The following SNED1 variants were observed in gnomAD, a reference collection of about 807,000 sequenced individuals.
The protein encoded by SNED1 is sushi, nidogen and EGF-like domain-containing protein 1.
SNED1 carries 81 observed loss-of-function variants against 166.7 expected under a neutral mutation model. That is an observed-to-expected ratio of 0.49 (90% confidence interval 0.41 to 0.58). The LOEUF is 0.58. Ranked by LOEUF, SNED1 falls within the 20% of genes least tolerant of loss-of-function variation. The pLI is 0.00. For synonymous variants in SNED1, 762 were observed against 822.0 expected (o/e 0.93, Z 1.25); for missense variants, 1,604 against 2,000.2 (o/e 0.80, Z 3.78).
At chr2:241,071,980 C>T in intron 26 of SNED1, 102 bp downstream of exon 26, 1 of 1,010,718 alleles carries the variant, frequency 9.9e-7, no homozygotes, top group Admixed American at 2.0e-5. Context: ...ACCCCCACCG[C>T]CAGCGCAGTC....
chr2:241,055,804 A>T (rs540275793), intron 16 of SNED1, among the ~76,000 whole-genome samples: 1 of 152,352 alleles, frequency 6.6e-6, no homozygotes, highest in East Asian at 1.9e-4. Context: ...TCATAGTCTC[A>T]CAAGGATTAG....
At chr2:241,034,494 G>T in intron 3 of SNED1, 74 bp from the exon 4 acceptor site, 3 of 1,362,138 alleles carry the variant, frequency 2.2e-6, no homozygotes, top group Non-Finnish European at 3.0e-6. Flanking sequence ...GGAACATGGT[G>T]GGGGCAGGGT....
intron 31 of SNED1, chr2:241,090,521 A>G: frequency 1.4e-6 from 2 of 1,452,540 alleles, no homozygotes; most frequent in African/African-American, 1.4e-5. Flanking sequence ...AGTATTATGT[A>G]CTCTACATAA....
intron 1 of SNED1, among the ~76,000 whole-genome samples, chr2:241,023,976 C>G (rs563189960): frequency 2.0e-5 from 3 of 147,020 alleles, no homozygotes; most frequent in African/African-American, 7.6e-5. Context: ...GCCTCCACCC[C>G]CCGGGTTCAG....
rs71404676 is a variant in SNED1 at position 241,026,009 on chromosome 2, C to CTTTTTTTTTTTTTTTTTTTTT, written c.214-4271_214-4251dup. Among the ~76,000 whole-genome samples, 11 of 73,594 alleles carry CTTTTTTTTTTTTTTTTTTTTT rather than the reference C, an allele frequency of 1.5e-4. 2 individuals carry two copies. Among genetic ancestry groups the CTTTTTTTTTTTTTTTTTTTTT allele is most frequent in the African/African-American group, 2.1e-4 (4 of 19,272 alleles). The allele number at this position is 73,594 out of a possible 152,430, so 48.3% of individuals were successfully genotyped here. A position where few individuals can be genotyped will look rare whatever the true frequency, so the allele number is the denominator to read the frequency against. ...TTGATGTGGCTTTGTTTTTCTTTTC[C>CTTTTTTTTTTTTTTTTTTTTT]TTTTTTTTTTTTTTTTTTTTTTTTG... On this transcript the variant is annotated intron_variant, in intron 1 of 31. Transcript: ENST00000310397.
rs369189469 is a variant in SNED1, at chr2:241,068,450, G to A, written c.3195-461G>A. Among the ~76,000 whole-genome samples the A allele has an allele frequency of 2.6e-5, 4 of 152,138 alleles. No homozygotes were observed. The highest frequency in any genetic ancestry group is 1.9e-4 in the East Asian group (1 of 5,166). On this transcript the variant is annotated intron_variant, in intron 22 of 31. Coordinates refer to ENST00000310397, the MANE Select transcript of SNED1 (RefSeq NM_001080437.3). This position sits in a 1 kb window ranked among gnomAD's most constrained non-coding sequence, Gnocchi z 5.3. ...AGAAAGCTTCCGAATCGTGCTCAGC[G>A]CAGGCAGGGGTGCAGGAAAAGATCG...
Position 241,052,390 on chromosome 2 carries a change from G to A in SNED1, c.2005G>A (p.Gly669Arg). 6.3e-7 allele frequency: 1 copy of A among 1,592,890 alleles called. No homozygotes were observed. Among genetic ancestry groups the A allele is most frequent in the Non-Finnish European group, 8.6e-7 (1 of 1,168,820 alleles). ...SPCFRSPCVN[G>R]GTCEDRDTDF... ...CTGCTTCCGGAGCCCGTGTGTGAAT[G>A]GGGGCACCTGCGAGGACCGGGACAC... The change falls in exon 15 of 32, where the codon GGG becomes AGG. Residue 669 changes from glycine to arginine, a missense_variant. Around this residue, in one of 2 missense-constraint regions of SNED1, gnomAD observed 1,237 missense variants for 1,620.8 expected, o/e 0.76. Coordinates refer to ENST00000310397, the MANE Select transcript of SNED1 (RefSeq NM_001080437.3).
intron 16 of SNED1, among the ~76,000 whole-genome samples, chr2:241,062,143 A>G (rs918394791): frequency 6.6e-6 from 1 of 152,220 alleles, no homozygotes; most frequent in Non-Finnish European, 1.5e-5. Flanking sequence ...TTTTAATTAC[A>G]TATTTTACTG....
In SNED1 at chr2:241,068,036, C is replaced by A; in HGVS notation, c.3194+89C>A. The A allele has an allele frequency of 8.2e-7, 1 of 1,214,158 alleles. No homozygotes were observed. The highest frequency in any genetic ancestry group is 1.1e-6 in the Non-Finnish European group (1 of 871,230). 75.2% of individuals were successfully genotyped at this position (1,214,158 alleles called of 1,614,324 possible). The stretch of plus-strand genomic sequence containing the variant: ...GGGCCCAGGTCTCGGGCACATTCTC[C>A]GTGTGTGGACTGTACCACCTGCCGC... On this transcript the variant is annotated intron_variant, in intron 22 of 31. Coordinates refer to ENST00000310397, the MANE Select transcript of SNED1 (RefSeq NM_001080437.3). This position sits in a 1 kb window ranked among gnomAD's most constrained non-coding sequence, Gnocchi z 5.3.
intron 6 of SNED1, among the ~76,000 whole-genome samples, chr2:241,038,222 A>G (rs2061431119): frequency 6.6e-6 from 1 of 152,242 alleles, no homozygotes; most frequent in Non-Finnish European, 1.5e-5. Flanking sequence ...TTACAAAAAC[A>G]TGTAATAGAT....
chr2:241,000,917 ACT>A (rs1463514258), intron 1 of SNED1, among the ~76,000 whole-genome samples: 1 of 151,998 alleles, frequency 6.6e-6, no homozygotes, highest in African/African-American at 2.4e-5. Context: ...AACTGTGCGG[ACT>A]CTGTGGTCAA....
chr2:241,001,479 T>A (rs2060076076), intron 1 of SNED1, among the ~76,000 whole-genome samples: 1 of 152,230 alleles, frequency 6.6e-6, no homozygotes, highest in African/African-American at 2.4e-5. Context: ...CGTAAGGCTC[T>A]GAAAAGTGTT....
In SNED1 at chr2:241,063,279, G is replaced by A. The variant is rs114381574; in HGVS notation, c.2372-308G>A. The A allele has an allele frequency of 5.4e-3, 2,663 of 494,314 alleles. 13 individuals are homozygous for A. Among genetic ancestry groups the A allele is most frequent in the Non-Finnish European group, 7.0e-3 (1,898 of 270,444 alleles). 30.6% of individuals were successfully genotyped at this position (494,314 alleles called of 1,614,324 possible). A position where few individuals can be genotyped will look rare whatever the true frequency, so the allele number is the denominator to read the frequency against. ...CGCTAGGGCTCTAAGCCTGAGAAAC[G>A]CAGGCTCCAGGGAGGGCAAGGCCCA... is the stretch of plus-strand genomic sequence containing the variant. On this transcript the variant is annotated intron_variant, in intron 17 of 31. Transcript: ENST00000310397.
chr2:241,081,847 C>A, intron 28 of SNED1, 54 bp downstream of exon 28: 3 of 1,324,352 alleles, frequency 2.3e-6, no homozygotes, highest in Non-Finnish European at 3.2e-6. Context: ...TGTGCCTCAG[C>A]CTAGGACTGC....
Position 240,998,961 on chromosome 2 carries a change from G to A in SNED1, c.124G>A (p.Val42Ile). The A allele has an allele frequency of 2.3e-6, 3 of 1,310,442 alleles. No individual in the cohort carries two copies. The highest frequency in any genetic ancestry group is 1.9e-5 in the South Asian group (1 of 51,708). 81.2% of individuals were successfully genotyped at this position (1,310,442 alleles called of 1,614,324 possible). A position where few individuals can be genotyped will look rare whatever the true frequency, so the allele number is the denominator to read the frequency against. ...GTTCGGCGCCGAGCGCGGCGACGCC[G>A]TCACCCCCAAGCAGGACGACGGCGG... ...YPFGAERGDA[V>I]TPKQDDGGSG... The change falls in exon 1 of 32, where the codon GTC (valine) becomes ATC (isoleucine). Residue 42 changes from valine (V) to isoleucine (I), a missense_variant. Transcript: ENST00000310397.
In SNED1 at chr2:241,092,786, C is replaced by T. The variant is rs985319751; in HGVS notation, c.*1150C>T. ...GACATCCCCATCTTTGTAAGCAGAA[C>T]AGTACGGCACTTCACCACATCTGCT... On this transcript the variant is annotated 3_prime_UTR_variant, in exon 32 of 32. Coordinates refer to ENST00000310397, the MANE Select transcript of SNED1 (RefSeq NM_001080437.3). This position sits in a 1 kb window ranked among gnomAD's most constrained non-coding sequence, Gnocchi z 4.6. 4 of 152,246 alleles carry T rather than the reference C, an allele frequency of 2.6e-5. No individual in the cohort carries two copies. Among genetic ancestry groups the T allele is most frequent in the Admixed American group, 2.6e-4 (4 of 15,288 alleles). 9.4% of individuals were successfully genotyped at this position (152,246 alleles called of 1,614,324 possible). A position where few individuals can be genotyped will look rare whatever the true frequency, so the allele number is the denominator to read the frequency against.
chr2:240,999,982 T>C lies in SNED1; in HGVS notation c.213+932T>C, dbSNP rs2060028971. Among the ~76,000 whole-genome samples, 1 of 152,074 alleles carries C rather than the reference T, an allele frequency of 6.6e-6. No homozygotes were observed. Among genetic ancestry groups the C allele is most frequent in the Non-Finnish European group, 1.5e-5 (1 of 67,978 alleles). ...GCCACCTCCACCATCAGCCCTCTCATACCCTCGCCCACCTCCAGCCTCAAC... is the reference window on the plus strand; with the variant it reads ...GCCACCTCCACCATCAGCCCTCTCACACCCTCGCCCACCTCCAGCCTCAAC... On this transcript the variant is annotated intron_variant, in intron 1 of 31. Coordinates refer to ENST00000310397, the MANE Select transcript of SNED1 (RefSeq NM_001080437.3). This position sits in a 1 kb window ranked among gnomAD's most constrained non-coding sequence, Gnocchi z 5.8.
At position 241,013,077 on chromosome 2, in the gene SNED1, G is replaced by A. The variant is rs571503410; in HGVS notation, c.213+14027G>A. ...TCTCGATCTCCTGACCTCGTGATCCGCCTGTCTCAGCCTCCCAAAGTGATG... is the reference window on the plus strand; with the variant it reads ...TCTCGATCTCCTGACCTCGTGATCCACCTGTCTCAGCCTCCCAAAGTGATG... On this transcript the variant is annotated intron_variant, in intron 1 of 31. Transcript: ENST00000310397. The surrounding 1 kb of genome is among the most constrained non-coding windows in gnomAD (Gnocchi z 4.6). 1.6e-4 allele frequency among the ~76,000 whole-genome samples: 24 copies of A among 152,020 alleles called. No individual in the cohort carries two copies. Among genetic ancestry groups the A allele is most frequent in the African/African-American group, 3.9e-4 (16 of 41,474 alleles).
intron 14 of SNED1, 74 bp downstream of exon 14, chr2:241,052,231 G>C: frequency 6.7e-7 from 1 of 1,483,596 alleles, no homozygotes; most frequent in Non-Finnish European, 9.4e-7. Flanking sequence ...CAGGCCCATG[G>C]GCAGGGCTGG....
Sources: gnomAD v4.1 joint callset for allele counts (sites outside exome capture counted in the v4.1 genomes callset) on GRCh38, gnomAD v4.1.1 for gene constraint, gnomAD v4.1.1 regional missense constraint, Gnocchi (gnomAD v3.1) non-coding constraint, MANE v1.5 for transcripts, NCBI Gene and HGNC (gene_info 2026-07-23, HGNC 2026-07-21) for gene names.